CADM2: variants seen among roughly 807,000 people sequenced by gnomAD.
CADM2 encodes the protein immunoglobulin superfamily member 4D.
In CADM2, 12 loss-of-function variants were observed where a neutral mutation model predicts 49.8. The observed-to-expected ratio is 0.24, with a 90% confidence interval of 0.15 to 0.39. The LOEUF (loss-of-function observed/expected upper bound fraction) is 0.39. Ranked by LOEUF, CADM2 falls within the 10% of genes least tolerant of loss-of-function variation. The pLI is 1.00. For synonymous variants in CADM2, 214 were observed against 175.4 expected, an observed-to-expected ratio of 1.22 and a Z score of -1.74; for missense variants, 378 against 492.3, an observed-to-expected ratio of 0.77 and a Z score of 2.20.
intron 3 of CADM2, among the ~76,000 whole-genome samples, chr3:85,805,007 C>G (rs1394097744): frequency 5.3e-5 from 8 of 152,112 alleles, no homozygotes; most frequent in Non-Finnish European, 8.8e-5. Context: ...GTGGCACGAT[C>G]TTGGCTCACT....
At chr3:85,689,191 A>G (rs2066307938) in intron 1 of CADM2, among the ~76,000 whole-genome samples, 1 of 152,228 alleles carries the variant, frequency 6.6e-6, no homozygotes, top group Admixed American at 6.5e-5. Context: ...TATATTTATA[A>G]AATTCTAGAA....
chr3:85,908,240 C>CTT, intron 5 of CADM2, among the ~76,000 whole-genome samples: 1 of 114,590 alleles, frequency 8.7e-6, no homozygotes, highest in Non-Finnish European at 1.8e-5. Flanking sequence ...GATATCTTGG[C>CTT]TTTTTTTTTT....
intron 1 of CADM2, among the ~76,000 whole-genome samples, chr3:85,563,091 T>C (rs912552020): frequency 7.2e-5 from 11 of 152,122 alleles, no homozygotes; most frequent in Admixed American, 2.0e-4. Context: ...ATTAGAAAAT[T>C]ATTAGATAAG....
chr3:85,519,815 G>A (rs1351445171), intron 1 of CADM2, among the ~76,000 whole-genome samples: 1 of 151,922 alleles, frequency 6.6e-6, no homozygotes, highest in Non-Finnish European at 1.5e-5. Flanking sequence ...CAAAGTTCCT[G>A]GTACTATTTT....
chr3:85,990,602 T>C (rs1336636284), intron 8 of CADM2, among the ~76,000 whole-genome samples: 1 of 152,170 alleles, frequency 6.6e-6, no homozygotes, highest in African/African-American at 2.4e-5. Flanking sequence ...TAAAATTAAA[T>C]ATGTTTATGC....
chr3:86,038,178 A>G (rs1473154272), intron 8 of CADM2, among the ~76,000 whole-genome samples: 1 of 152,242 alleles, frequency 6.6e-6, no homozygotes, highest in Non-Finnish European at 1.5e-5. Context: ...AGTTTTAGAA[A>G]AAACAACAAC....
At chr3:85,482,037 C>T (rs1406443517) in intron 1 of CADM2, among the ~76,000 whole-genome samples, 1 of 151,608 alleles carries the variant, frequency 6.6e-6, no homozygotes, top group African/African-American at 2.4e-5. Context: ...GAGAAGTGTT[C>T]ATAAGAATTT....
intron 1 of CADM2, among the ~76,000 whole-genome samples, chr3:85,025,922 G>A (rs1161718047): frequency 6.6e-6 from 1 of 152,070 alleles, no homozygotes; most frequent in South Asian, 2.1e-4. Context: ...GTCCATAAAC[G>A]TGAAATGCCA....
chr3:85,468,816 G>A lies in CADM2; in HGVS notation c.62-257706G>A, dbSNP rs1369406840. 3.9e-5 allele frequency among the ~76,000 whole-genome samples: 6 copies of A among 152,286 alleles called. No individual in the cohort carries two copies. In the East Asian group the frequency reaches 1.2e-3, roughly 30 times the overall value. On this transcript the variant is annotated intron_variant, in intron 1 of 9. Transcript: ENST00000383699. ...TAAGGGATAAAAGTTAAAGTGAGAT[G>A]TGCTAACGAGCAGATCACCACTGTG...
intron 1 of CADM2, among the ~76,000 whole-genome samples, chr3:85,361,259 T>A (rs1159023747): frequency 6.6e-6 from 1 of 152,172 alleles, no homozygotes; most frequent in African/African-American, 2.4e-5. Context: ...AGGAACTTTT[T>A]AAATAATATT....
chr3:85,722,390 TC>T (rs1407033966), intron 1 of CADM2, among the ~76,000 whole-genome samples: 7 of 152,276 alleles, frequency 4.6e-5, no homozygotes, highest in African/African-American at 1.4e-4. Flanking sequence ...CTCTATTGCC[TC>T]CTCTTTTAAG....
At chr3:85,432,299 G>T (rs1488791154) in intron 1 of CADM2, among the ~76,000 whole-genome samples, 1 of 151,832 alleles carries the variant, frequency 6.6e-6, no homozygotes, top group Non-Finnish European at 1.5e-5. Flanking sequence ...GACTGGTGTT[G>T]GAAGGAATGT....
intron 1 of CADM2, among the ~76,000 whole-genome samples, chr3:85,550,961 T>A (rs1484568346): frequency 1.6e-5 from 2 of 128,118 alleles, no homozygotes; most frequent in African/African-American, 3.7e-5. Flanking sequence ...GATTTTAATT[T>A]ATTTATTTGT....
At chr3:85,779,305 C>A (rs897831881) in intron 2 of CADM2, among the ~76,000 whole-genome samples, 2 of 152,036 alleles carry the variant, frequency 1.3e-5, no homozygotes, top group African/African-American at 4.8e-5. Context: ...AACAATCTTA[C>A]CATGCCTAAA....
At chr3:85,106,341 G>A (rs1028425900) in intron 1 of CADM2, among the ~76,000 whole-genome samples, 17 of 152,084 alleles carry the variant, frequency 1.1e-4, no homozygotes, top group Non-Finnish European at 1.8e-4. Context: ...GCTAATAGTA[G>A]CACAAAAGGC....
At chr3:85,094,470 G>GT (rs1329052412) in intron 1 of CADM2, among the ~76,000 whole-genome samples, 1 of 152,122 alleles carries the variant, frequency 6.6e-6, no homozygotes, top group Non-Finnish European at 1.5e-5. Flanking sequence ...TAAAGCAGAA[G>GT]TAAGAGGTGG....
At chr3:85,139,386 C>A (rs1204602296) in intron 1 of CADM2, among the ~76,000 whole-genome samples, 1 of 151,892 alleles carries the variant, frequency 6.6e-6, no homozygotes, top group African/African-American at 2.4e-5. Flanking sequence ...GAAGTTTGAA[C>A]TAAATGTCAT....
At chr3:85,046,684 A>C (rs1194220636) in intron 1 of CADM2, among the ~76,000 whole-genome samples, 1 of 152,052 alleles carries the variant, frequency 6.6e-6, no homozygotes, top group African/African-American at 2.4e-5. Context: ...AAAAATTATG[A>C]AATTAATATA....
intron 8 of CADM2, among the ~76,000 whole-genome samples, chr3:85,999,015 A>G (rs1455069355): frequency 6.6e-6 from 1 of 152,126 alleles, no homozygotes; most frequent in Non-Finnish European, 1.5e-5. Flanking sequence ...ATAAGGGGTA[A>G]GGGTTTTATG....
Sources: allele counts gnomAD v4.1 joint callset (sites outside exome capture counted in the v4.1 genomes callset), GRCh38; gene constraint gnomAD v4.1.1; transcripts MANE v1.5; gene names NCBI Gene and HGNC (gene_info 2026-07-23, HGNC 2026-07-21).